The following SEC24A variants were observed in gnomAD, a reference collection of about 807,000 sequenced individuals.
SEC24A encodes the protein SEC24 homolog A, COPII component.
SEC24A carries 93 observed loss-of-function variants against 129.4 expected under a neutral mutation model. That is an observed-to-expected ratio of 0.72 (90% confidence interval 0.61 to 0.85). The LOEUF is 0.85. Among genes scored for constraint, SEC24A ranks in the 40% least tolerant of loss-of-function variants. The pLI is 0.00. For synonymous variants in SEC24A, 460 were observed against 467.3 expected, an observed-to-expected ratio of 0.98 and a Z score of 0.20; for missense variants, 1,264 against 1,307.4, an observed-to-expected ratio of 0.97 and a Z score of 0.51.
chr5:134,707,961 A>G (rs1752215235), intron 17 of SEC24A, among the ~76,000 whole-genome samples: 1 of 152,120 alleles, frequency 6.6e-6, no homozygotes, highest in Admixed American at 6.6e-5. Flanking sequence ...AAAAAACAAA[A>G]CAAAACAAAA....
chr5:134,672,006 A>G (rs1750881732), intron 4 of SEC24A, 120 bp downstream of exon 4: 1 of 649,530 alleles, frequency 1.5e-6, no homozygotes, highest in African/African-American at 1.9e-5. Flanking sequence ...GTAGCCATAC[A>G]TACTATTAAC....
intron 17 of SEC24A, among the ~76,000 whole-genome samples, chr5:134,707,591 A>C (rs1422785176): frequency 6.6e-6 from 1 of 152,082 alleles, no homozygotes; most frequent in African/African-American, 2.4e-5. Flanking sequence ...GGCCTGCCAA[A>C]GTGCTGGGAT....
chr5:134,717,507 CAAAAAGAAAAAG>C (rs559636588), intron 19 of SEC24A, among the ~76,000 whole-genome samples: 9 of 151,570 alleles, frequency 5.9e-5, no homozygotes, highest in African/African-American at 1.9e-4. Context: ...AACTCTGTCT[CAAAAAGAAAAAG>C]AAAAAGAAAA....
Position 134,674,711 on chromosome 5 carries a change from C to T in SEC24A, c.914C>T (p.Pro305Leu), listed in dbSNP as rs1314938123. 6.2e-7 allele frequency: 1 copy of T among 1,614,042 alleles called. No homozygotes were observed. Among genetic ancestry groups the T allele is most frequent in the Non-Finnish European group, 8.5e-7 (1 of 1,179,922 alleles). ...CCTGGTTATCAGAACACAACACCACCTGGTGCAACTGGAGTACCACCCTCT... is the reference window on the plus strand; with the variant it reads ...CCTGGTTATCAGAACACAACACCACTTGGTGCAACTGGAGTACCACCCTCT... ...LPPGYQNTTP[P>L]GATGVPPSSL... Residue 305 changes from proline (P) to leucine (L), a missense_variant, in exon 5 of 23, where the codon CCT (proline) becomes CTT (leucine). Transcript: ENST00000398844.
chr5:134,649,678 A>G (rs1401939814), intron 1 of SEC24A, among the ~76,000 whole-genome samples: 1 of 152,088 alleles, frequency 6.6e-6, no homozygotes, highest in Admixed American at 6.6e-5. Context: ...AATTGTACCT[A>G]CAACAGCTGT....
intron 21 of SEC24A, among the ~76,000 whole-genome samples, chr5:134,722,355 A>G (rs1312910787): frequency 6.6e-6 from 1 of 151,948 alleles, no homozygotes; most frequent in Non-Finnish European, 1.5e-5. Context: ...ACCTGAGGTC[A>G]GGAGTTCGAG....
chr5:134,722,607 A>C (rs1300197221), intron 21 of SEC24A, among the ~76,000 whole-genome samples: 1 of 152,096 alleles, frequency 6.6e-6, no homozygotes, highest in Admixed American at 6.5e-5. Flanking sequence ...AATAAAAAAC[A>C]ATGGCAAAGT....
At chr5:134,665,268 A>G (rs1451373428) in intron 2 of SEC24A, among the ~76,000 whole-genome samples, 3 of 151,180 alleles carry the variant, frequency 2.0e-5, no homozygotes, top group Admixed American at 1.3e-4. Flanking sequence ...AGCCTGGCCA[A>G]TATGGTGAAA....
chr5:134,718,984 T>A (rs1014807543), intron 20 of SEC24A, among the ~76,000 whole-genome samples: 33 of 147,530 alleles, frequency 2.2e-4, no homozygotes, highest in African/African-American at 7.0e-4. Flanking sequence ...AAAAAAAAAA[T>A]TTAAAATAGA....
rs866091236 is a variant in SEC24A at position 134,713,586 on chromosome 5, A to G, written c.2728-1438A>G. ...CAATCAGGAAATATTTTTTGAATGA[A>G]TAGATGGAACTTTCCTTCTTCCATT... On this transcript the variant is annotated intron_variant, in intron 18 of 22. Transcript: ENST00000398844. Among the ~76,000 whole-genome samples the G allele has an allele frequency of 5.3e-5, 8 of 152,160 alleles. 1 individual carries two copies. Among genetic ancestry groups the G allele is most frequent in the Non-Finnish European group, 7.3e-5 (5 of 68,042 alleles).
chr5:134,697,836 G>A (rs1580723653), intron 14 of SEC24A, 63 bp from the exon 15 acceptor site: 1 of 1,446,300 alleles, frequency 6.9e-7, no homozygotes, highest in South Asian at 1.3e-5. Flanking sequence ...AATGTCTTTA[G>A]TTACTTTGGT....
rs1342389871 is a variant in SEC24A at position 134,718,030 on chromosome 5, C to T, written c.2866-39C>T. Reference sequence around the variant, plus strand: ...TTGTTTAACTGTGACTCCATATTTCCTATATTTAAAACCTTTACTCTTTTA... The same window carrying T: ...TTGTTTAACTGTGACTCCATATTTCTTATATTTAAAACCTTTACTCTTTTA... On this transcript the variant is annotated intron_variant, in intron 19 of 22. Coordinates refer to ENST00000398844, the MANE Select transcript of SEC24A (RefSeq NM_021982.3). The T allele has an allele frequency of 2.7e-6, 4 of 1,482,712 alleles. No homozygotes were observed. The Admixed American group carries it at 5.1e-5, about 19-fold the overall frequency. The allele number at this position is 1,482,712 out of a possible 1,614,324, so 91.8% of individuals were successfully genotyped here.
chr5:134,666,716 T>G, intron 2 of SEC24A, 107 bp from the exon 3 acceptor site: 1 of 851,670 alleles, frequency 1.2e-6, no homozygotes, highest in Non-Finnish European at 1.9e-6. Flanking sequence ...TCTTTGGTTA[T>G]TATAATTTAA....
intron 3 of SEC24A, among the ~76,000 whole-genome samples, chr5:134,667,581 G>A (rs1750705232): frequency 6.7e-6 from 1 of 149,536 alleles, no homozygotes; most frequent in South Asian, 2.1e-4. Context: ...GTGAACCCGG[G>A]AGGCGGAGCT....
Position 134,703,802 on chromosome 5 carries a change from A to T in SEC24A, c.2310A>T (p.Ser770=), listed in dbSNP as rs1397127532. 3 of 1,613,430 alleles carry T rather than the reference A, an allele frequency of 1.9e-6. No homozygotes were observed. In the East Asian group the frequency reaches 6.7e-5, roughly 36 times the overall value. ...HTFHGNFFVR[S]TDLLSLPNVN... The stretch of plus-strand genomic sequence containing the variant: ...TCCATGGAAACTTCTTTGTTAGGTC[A>T]ACCGACTTACTGTCTTTGCCTAACG... The change falls in exon 16 of 23, where the codon TCA becomes TCT. Residue 770 remains serine (S), a synonymous_variant. Transcript: ENST00000398844.
In SEC24A at chr5:134,674,047, C is replaced by G. The variant is rs1005773288; in HGVS notation, c.818-568C>G. 2.6e-5 allele frequency among the ~76,000 whole-genome samples: 4 copies of G among 152,010 alleles called. No individual in the cohort carries two copies. In the East Asian group the frequency reaches 5.8e-4, roughly 22 times the overall value. On this transcript the variant is annotated intron_variant, in intron 4 of 22. Transcript: ENST00000398844. ...ACTCGAGAGGCTGAAGCAGGAAAAT[C>G]GCTTGAACCCGGGAGGTAGAGGTTG...
At chr5:134,716,437 C>G (rs1752477799) in intron 19 of SEC24A, among the ~76,000 whole-genome samples, 1 of 149,962 alleles carries the variant, frequency 6.7e-6, no homozygotes, top group South Asian at 2.1e-4. Context: ...CCACTACACT[C>G]CAGCCTGGGT....
chr5:134,713,406 A>G (rs1448988764), intron 18 of SEC24A, among the ~76,000 whole-genome samples: 2 of 151,764 alleles, frequency 1.3e-5, no homozygotes, highest in Non-Finnish European at 2.9e-5. Context: ...TACCTCCTGT[A>G]TTTTTCCTAT....
intron 15 of SEC24A, among the ~76,000 whole-genome samples, chr5:134,702,826 G>A (rs7723685): frequency 0.013 from 1,982 of 152,086 alleles, 37 homozygotes; most frequent in African/African-American, 0.045. Context: ...GTGCAGTGGC[G>A]CGATCTTGGC....
Sources: allele counts gnomAD v4.1 joint callset (sites outside exome capture counted in the v4.1 genomes callset), GRCh38; gene constraint gnomAD v4.1.1; transcripts MANE v1.5; gene names NCBI Gene and HGNC (gene_info 2026-07-23, HGNC 2026-07-21).